Variants in SNUPN observed in about 807,000 individuals in gnomAD.
SNUPN encodes the protein snurportin-1.
In SNUPN, 31 loss-of-function variants were observed where a neutral mutation model predicts 39.2. The observed-to-expected ratio is 0.79, with a 90% CI of 0.59 to 1.07. The LOEUF is 1.07. SNUPN is among the 50% of genes least tolerant of loss of function. The pLI, the probability that SNUPN is intolerant of heterozygous loss-of-function variation, is 0.00. For missense variants in SNUPN, 382 were observed against 434.2 expected, an observed-to-expected ratio of 0.88 and a Z score of 1.07; for synonymous variants, 132 against 159.0, an observed-to-expected ratio of 0.83 and a Z score of 1.28.
upstream of SNUPN, chr15:75,625,831 G>C (rs772777078): frequency 4.6e-5 from 7 of 152,214 alleles, no homozygotes; most frequent in Non-Finnish European, 1.0e-4. Context: ...GCGAACGCTG[G>C]GAGTTCCGTT....
chr15:75,616,457 T>C (rs754724565), intron 3 of SNUPN, among the ~76,000 whole-genome samples: 2 of 151,266 alleles, frequency 1.3e-5, no homozygotes, highest in Non-Finnish European at 2.9e-5. Context: ...AAACTCTGTC[T>C]CAAAAAAGAA....
At chr15:75,601,389 A>C (rs536212820) in intron 7 of SNUPN, among the ~76,000 whole-genome samples, 171 bp from the exon 8 acceptor site, 17 of 152,268 alleles carry the variant, frequency 1.1e-4, no homozygotes, top group African/African-American at 4.1e-4. Context: ...AGCCTGGCCA[A>C]CATGGTGAAA....
At chr15:75,615,320 G>A (rs953074495) in intron 3 of SNUPN, among the ~76,000 whole-genome samples, 4 of 151,420 alleles carry the variant, frequency 2.6e-5, no homozygotes, top group African/African-American at 9.7e-5. Flanking sequence ...ACATATTTTT[G>A]AGGCCCTTTA....
intron 7 of SNUPN, 56 bp from the exon 8 acceptor site, chr15:75,601,274 C>T: frequency 7.9e-7 from 1 of 1,263,722 alleles, no homozygotes; most frequent in Non-Finnish European, 1.2e-6. Flanking sequence ...CTGGCCCAAG[C>T]AATTGAAAAT....
chr15:75,611,552 C>T (rs1202139742), intron 3 of SNUPN, among the ~76,000 whole-genome samples: 1 of 151,222 alleles, frequency 6.6e-6, no homozygotes, highest in Admixed American at 6.6e-5. Context: ...ACGCCCGGCT[C>T]ACTTTAAAAA....
chr15:75,617,283 G>T, intron 3 of SNUPN, 125 bp downstream of exon 3: 2 of 972,752 alleles, frequency 2.1e-6, no homozygotes, highest in Non-Finnish European at 3.1e-6. Context: ...CATGTTCTTT[G>T]CAGTTCCTAT....
intron 2 of SNUPN, 135 bp from the exon 3 acceptor site, chr15:75,617,687 T>C (rs1892972590): frequency 2.2e-6 from 2 of 897,780 alleles, no homozygotes; most frequent in Admixed American, 6.1e-5. Context: ...GCTCAAGTGA[T>C]CTTCCCACCT....
intron 3 of SNUPN, among the ~76,000 whole-genome samples, chr15:75,616,272 C>A (rs901495805): frequency 1.3e-5 from 2 of 151,664 alleles, no homozygotes; most frequent in Admixed American, 1.3e-4. Flanking sequence ...ACCTGTCCAC[C>A]ATGGTGAAAC....
At chr15:75,603,301 C>T (rs1018189993) in intron 7 of SNUPN, among the ~76,000 whole-genome samples, 2 of 149,134 alleles carry the variant, frequency 1.3e-5, no homozygotes, top group Non-Finnish European at 3.0e-5. Flanking sequence ...CCTGTCTCGG[C>T]CTCCCAAAGT....
intron 1 of SNUPN, chr15:75,625,381 G>C (rs1005157621): frequency 6.6e-6 from 1 of 151,534 alleles, no homozygotes; most frequent in Non-Finnish European, 1.5e-5. Context: ...TGCTTCACTC[G>C]GCCGTGCGCG....
chr15:75,621,258 T>C (rs1893061913), intron 1 of SNUPN, among the ~76,000 whole-genome samples: 1 of 131,744 alleles, frequency 7.6e-6, no homozygotes. Context: ...CCTACAGATA[T>C]TTCCTTTTTT....
At chr15:75,604,085 A>G (rs2075312387) in intron 7 of SNUPN, among the ~76,000 whole-genome samples, 1 of 152,024 alleles carries the variant, frequency 6.6e-6, no homozygotes, top group Admixed American at 6.6e-5. Context: ...TCCAGGACCT[A>G]CATGATAATA....
intron 1 of SNUPN, among the ~76,000 whole-genome samples, chr15:75,622,128 C>G (rs192609212): frequency 6.6e-6 from 1 of 152,118 alleles, no homozygotes; most frequent in Non-Finnish European, 1.5e-5. Context: ...TTTGGGAGGC[C>G]AAGGCAGGAG....
intron 3 of SNUPN, 120 bp from the exon 4 acceptor site, chr15:75,610,114 A>T: frequency 1.3e-6 from 1 of 775,178 alleles, no homozygotes; most frequent in Non-Finnish European, 2.2e-6. Flanking sequence ...ATGAGGGCAG[A>T]GAGCCGGGCA....
chr15:75,609,480 C>T (rs534605451), intron 5 of SNUPN, 78 bp downstream of exon 5: 13 of 1,148,866 alleles, frequency 1.1e-5, no homozygotes, highest in South Asian at 3.7e-5. Flanking sequence ...TGAGCCACCG[C>T]GCCCGGCCCA....
At chr15:75,621,936 T>C (rs1042916372) in intron 1 of SNUPN, among the ~76,000 whole-genome samples, 13 of 152,190 alleles carry the variant, frequency 8.5e-5, no homozygotes, top group African/African-American at 2.7e-4. Flanking sequence ...CTCGGGAGGC[T>C]GAGGCAGAAG....
chr15:75,613,415 TG>T (rs746387675), intron 3 of SNUPN, among the ~76,000 whole-genome samples: 1 of 150,310 alleles, frequency 6.7e-6, no homozygotes, highest in Non-Finnish European at 1.5e-5. Flanking sequence ...GAGGCCGAGG[TG>T]GGCGGATCAC....
intron 3 of SNUPN, among the ~76,000 whole-genome samples, chr15:75,614,448 G>T (rs1173334017): frequency 6.6e-6 from 1 of 152,130 alleles, no homozygotes; most frequent in Non-Finnish European, 1.5e-5. Context: ...GCAATAAAAA[G>T]GAGTGAAGTA....
chr15:75,603,987 C>T (rs1411401747), intron 7 of SNUPN, among the ~76,000 whole-genome samples: 1 of 152,078 alleles, frequency 6.6e-6, no homozygotes, highest in Non-Finnish European at 1.5e-5. Flanking sequence ...CGTAGGGTTA[C>T]TGTGTGGATT....
Sources: gnomAD v4.1 joint callset for allele counts (sites outside exome capture counted in the v4.1 genomes callset) on GRCh38, gnomAD v4.1.1 for gene constraint, MANE v1.5 for transcripts, NCBI Gene and HGNC (gene_info 2026-07-23, HGNC 2026-07-21) for gene names.